Variants in C6 observed in about 807,000 individuals in gnomAD.
C6 encodes complement C6.
A neutral mutation model predicts 112.9 loss-of-function variants in C6; 101 were observed. The observed-to-expected ratio is 0.89, with a 90% CI of 0.76 to 1.06. The LOEUF is 1.06. Among genes scored for constraint, C6 ranks in the 50% least tolerant of loss-of-function variants. The pLI is 0.00. For missense variants in C6, 1,202 were observed against 1,104.6 expected (o/e 1.09, Z -1.25); for synonymous variants, 431 against 384.1 (o/e 1.12, Z -1.43).
intron 6 of C6, 69 bp downstream of exon 6, chr5:41,186,001 T>C (rs1749734695): frequency 6.3e-7 from 1 of 1,578,192 alleles, no homozygotes; most frequent in South Asian, 1.1e-5. Flanking sequence ...TCATCACTAA[T>C]TTTGCATGAG....
rs1463206303 is a variant in C6 at position 41,158,770 on chromosome 5, G to C, written c.1872C>G (p.Ile624Met). 4.4e-6 allele frequency: 7 copies of C among 1,578,236 alleles called. No homozygotes were observed. In the South Asian group the frequency reaches 6.6e-5, roughly 15 times the overall value. The change falls in exon 13 of 18, where the codon ATC becomes ATG. Residue 624 changes from isoleucine to methionine, a missense_variant. Transcript: ENST00000337836. ...CCTCTTTCATTTCTTCGTCATCATT[G>C]ATACATGGTTGTCCACTAAAAGGGA... ...SIMENNGQPC[I>M]NDDEEMKEVD... is the part of the protein sequence containing the mutation.
At chr5:41,236,429 A>G (rs895450828) in intron 1 of C6, among the ~76,000 whole-genome samples, 1 of 151,248 alleles carries the variant, frequency 6.6e-6, no homozygotes, top group Non-Finnish European at 1.5e-5. Context: ...ATCTCACTCA[A>G]AGCCGCTCAA....
In C6 at chr5:41,248,284, C is replaced by T. The variant is rs533632417; in HGVS notation, c.-21+12910G>A. ...CTTGGGAAAGAATTTATGATTAAGCCCTCAAAAGCAATTGCAACAGAAACA... is the reference window on the plus strand; with the variant it reads ...CTTGGGAAAGAATTTATGATTAAGCTCTCAAAAGCAATTGCAACAGAAACA... On this transcript the variant is annotated intron_variant, in intron 1 of 17. Transcript: ENST00000263413. Among the ~76,000 whole-genome samples the T allele has an allele frequency of 8.4e-4, 128 of 152,132 alleles. 1 individual carries two copies. In the South Asian group the frequency reaches 0.015, roughly 18 times the overall value.
intron 8 of C6, 48 bp downstream of exon 8, chr5:41,176,427 T>C: frequency 6.3e-7 from 1 of 1,582,894 alleles, no homozygotes; most frequent in Non-Finnish European, 8.7e-7. Context: ...AAAAATGTAT[T>C]GCATGCTATC....
intron 1 of C6, among the ~76,000 whole-genome samples, chr5:41,251,456 T>C (rs989215046): frequency 6.6e-6 from 1 of 152,174 alleles, no homozygotes; most frequent in African/African-American, 2.4e-5. Context: ...GGCAGGCATA[T>C]TGTCCTTGAA....
intron 1 of C6, among the ~76,000 whole-genome samples, chr5:41,244,883 A>G (rs1030026604): frequency 7.2e-5 from 11 of 152,188 alleles, no homozygotes; most frequent in African/African-American, 2.7e-4. Context: ...ATTTTTCTGC[A>G]TGCTTTCTCT....
chr5:41,153,634 A>C (rs1746615907), intron 15 of C6, among the ~76,000 whole-genome samples, 176 bp downstream of exon 15: 1 of 152,218 alleles, frequency 6.6e-6, no homozygotes, highest in Non-Finnish European at 1.5e-5. Flanking sequence ...GCAGGATGGC[A>C]ATGAGCTTAG....
At chr5:41,173,523 T>C (rs189710623) in intron 8 of C6, among the ~76,000 whole-genome samples, 25 of 152,262 alleles carry the variant, frequency 1.6e-4, no homozygotes, top group Non-Finnish European at 2.8e-4. Flanking sequence ...TCCAGCTCTT[T>C]TGATGTTTAG....
chr5:41,258,754 A>G (rs1741866909), intron 1 of C6, among the ~76,000 whole-genome samples: 1 of 152,164 alleles, frequency 6.6e-6, no homozygotes, highest in Admixed American at 6.5e-5. Flanking sequence ...AGCTGGGGAG[A>G]CCTTAGGAAA....
intron 1 of C6, chr5:41,203,573 C>CT: frequency 3.3e-6 from 1 of 300,266 alleles, no homozygotes. Context: ...TTTATACAGT[C>CT]TTACCCTTCT....
intron 1 of C6, among the ~76,000 whole-genome samples, chr5:41,242,813 T>C (rs995793160): frequency 4.3e-4 from 65 of 151,820 alleles, no homozygotes; most frequent in African/African-American, 1.5e-3. Flanking sequence ...CTATTGATCC[T>C]TAAAAAAGAA....
chr5:41,158,788 A>T lies in C6; in HGVS notation c.1857-3T>A. ...CATCATTGATACATGGTTGTCCACT[A>T]AAAGGGAAACATAAATATGTGTGTA... On this transcript the variant is annotated splice_polypyrimidine_tract_variant and splice_region_variant and intron_variant, in intron 12 of 17. Coordinates refer to ENST00000337836, the MANE Select transcript of C6 (RefSeq NM_000065.5). The T allele has an allele frequency of 6.0e-6, 9 of 1,495,242 alleles. No individual in the cohort carries two copies. The highest frequency in any genetic ancestry group is 8.4e-6 in the Non-Finnish European group (9 of 1,071,904). 92.6% of individuals were successfully genotyped at this position (1,495,242 alleles called of 1,614,324 possible).
chr5:41,165,842 G>A (rs1376462186), intron 9 of C6, among the ~76,000 whole-genome samples: 1 of 152,088 alleles, frequency 6.6e-6, no homozygotes, highest in Non-Finnish European at 1.5e-5. Flanking sequence ...CAACAGTGGA[G>A]CCAACACTTG....
chr5:41,163,163 GAA>G lies in C6; in HGVS notation c.1292-1306_1292-1305del, dbSNP rs201453388. On this transcript the variant is annotated intron_variant, in intron 9 of 17. Coordinates refer to ENST00000337836, the MANE Select transcript of C6 (RefSeq NM_000065.5). The stretch of plus-strand genomic sequence containing the variant: ...GATAATGCCAATAATGCAAACAAAA[GAA>G]AAAAAAAAACTAGTAAAAGACAGAA... Among the ~76,000 whole-genome samples the G allele has an allele frequency of 1.6e-3, 219 of 137,606 alleles. 6 individuals carry two copies. In the East Asian group the frequency reaches 0.042, roughly 27 times the overall value. 90.3% of individuals were successfully genotyped at this position (137,606 alleles called of 152,430 possible). A position where few individuals can be genotyped will look rare whatever the true frequency, so the allele number is the denominator to read the frequency against.
chr5:41,191,067 C>CTTTTTTTTTTTTTTTTTTTT, intron 5 of C6, among the ~76,000 whole-genome samples: 1 of 84,756 alleles, frequency 1.2e-5, no homozygotes, highest in Non-Finnish European at 2.1e-5. Flanking sequence ...ATGCCTTTGG[C>CTTTTTTTTTTTTTTTTTTTT]TTTTTTTTTT....
chr5:41,193,602 G>A (rs1470713228), intron 5 of C6, among the ~76,000 whole-genome samples: 1 of 152,092 alleles, frequency 6.6e-6, no homozygotes, highest in Non-Finnish European at 1.5e-5. Flanking sequence ...AGATGAATGT[G>A]TCCTTTCAAC....
Position 41,199,921 on chromosome 5 carries a change from A to G in C6, c.301-9T>C. On this transcript the variant is annotated splice_polypyrimidine_tract_variant and intron_variant, in intron 3 of 17. Coordinates refer to ENST00000337836, the MANE Select transcript of C6 (RefSeq NM_000065.5). ...ACAGATCTAACTTTAGACTGAAAGG[A>G]AAGAAGAGAAAGATATAACTCTGAG... 1.2e-6 allele frequency: 2 copies of G among 1,613,382 alleles called. No homozygotes were observed. The highest frequency in any genetic ancestry group is 1.1e-5 in the South Asian group (1 of 91,074).
intron 1 of C6, among the ~76,000 whole-genome samples, chr5:41,234,594 T>G (rs1740134967): frequency 1.3e-5 from 2 of 152,092 alleles, no homozygotes; most frequent in Admixed American, 6.6e-5. Context: ...CTCTGTAGTT[T>G]CTCCAATTTT....
At chr5:41,252,454 C>T (rs912658162) in intron 1 of C6, among the ~76,000 whole-genome samples, 1 of 152,134 alleles carries the variant, frequency 6.6e-6, no homozygotes, top group African/African-American at 2.4e-5. Flanking sequence ...ACCATAAGAC[C>T]TACAAGACAG....
Sources: gnomAD v4.1 joint callset for allele counts (sites outside exome capture counted in the v4.1 genomes callset) on GRCh38, gnomAD v4.1.1 for gene constraint, MANE v1.5 for transcripts, NCBI Gene and HGNC (gene_info 2026-07-23, HGNC 2026-07-21) for gene names.